CPQ: variants seen among roughly 807,000 people sequenced by gnomAD.
CPQ encodes the protein Ser-Met dipeptidase.
CPQ carries 37 observed loss-of-function variants against 45.7 expected under a neutral mutation model. The ratio of observed to expected loss-of-function variants is 0.81; its 90% CI spans 0.62 to 1.07. CPQ has a LOEUF of 1.07. Among genes scored for constraint, CPQ ranks in the 50% least tolerant of loss-of-function variants. The pLI is 0.00. For missense variants in CPQ, 537 were observed against 572.9 expected (o/e 0.94, Z 0.64); for synonymous variants, 186 against 205.8 (o/e 0.90, Z 0.82).
intron 2 of CPQ, among the ~76,000 whole-genome samples, chr8:96,794,152 G>A (rs1156587196): frequency 6.6e-6 from 1 of 152,164 alleles, no homozygotes; most frequent in Non-Finnish European, 1.5e-5. Flanking sequence ...TTTCCCTTCT[G>A]CACTGCCCTA....
At chr8:96,792,510 G>A (rs746975393) in intron 2 of CPQ, among the ~76,000 whole-genome samples, 6 of 152,026 alleles carry the variant, frequency 3.9e-5, no homozygotes, top group Non-Finnish European at 8.8e-5. Context: ...TAAAATTTTA[G>A]GATTGTATGT....
intron 2 of CPQ, among the ~76,000 whole-genome samples, chr8:96,799,261 C>T (rs1810975490): frequency 6.6e-6 from 1 of 152,204 alleles, no homozygotes; most frequent in African/African-American, 2.4e-5. Context: ...AAACTCTTGT[C>T]TCATAGGAAC....
At chr8:96,849,936 T>C (rs758184766) in intron 3 of CPQ, among the ~76,000 whole-genome samples, 17 of 152,202 alleles carry the variant, frequency 1.1e-4, no homozygotes, top group Non-Finnish European at 1.8e-4. Context: ...GGGCTGAAGG[T>C]CATTCAGCTA....
intron 1 of CPQ, among the ~76,000 whole-genome samples, chr8:96,759,993 T>C (rs1364700899): frequency 1.3e-5 from 2 of 152,210 alleles, no homozygotes; most frequent in Non-Finnish European, 2.9e-5. Flanking sequence ...CAGCTAGTCC[T>C]AGTATACCTA....
intron 1 of CPQ, among the ~76,000 whole-genome samples, chr8:96,717,722 G>A (rs1277280503): frequency 6.6e-6 from 1 of 152,132 alleles, no homozygotes; most frequent in African/African-American, 2.4e-5. Flanking sequence ...GACACATGGA[G>A]GGGCAAAGCC....
intron 1 of CPQ, among the ~76,000 whole-genome samples, chr8:96,775,271 G>A (rs1810591247): frequency 6.6e-6 from 1 of 151,958 alleles, no homozygotes; most frequent in Non-Finnish European, 1.5e-5. Flanking sequence ...TTATTATCCT[G>A]AAATAAACAT....
In CPQ at chr8:97,066,024, TAC is replaced by T. The variant is rs749482750; in HGVS notation, c.1071_1072del (p.Tyr357Ter). Reference sequence around the variant, plus strand: ...TTGTGTTTAGGTAAATATTTCCAACTACAGTCTGGTGATGGAGTCTGACGCAG... The same window carrying T: ...TTGTGTTTAGGTAAATATTTCCAACTAGTCTGGTGATGGAGTCTGACGCAG... ...YQLHKVNISNYSLVMESDAGT... is the reference protein window; with the variant it reads ...YQLHKVNISNXSLVMESDAGT... On this transcript the variant is annotated frameshift_variant, in exon 7 of 8. Coordinates refer to ENST00000220763, the MANE Select transcript of CPQ (RefSeq NM_016134.4). LOFTEE classifies it high-confidence loss of function. 2 of 1,610,274 alleles carry T rather than the reference TAC, an allele frequency of 1.2e-6. No homozygotes were observed. Among genetic ancestry groups the T allele is most frequent in the Admixed American group, 3.4e-5 (2 of 59,284 alleles).
chr8:96,917,674 T>A (rs556772009), intron 4 of CPQ, among the ~76,000 whole-genome samples: 2 of 152,160 alleles, frequency 1.3e-5, no homozygotes, highest in African/African-American at 2.4e-5. Context: ...AACAAGAAGA[T>A]GTATGTGTGT....
rs141477231 is a variant in CPQ, at chr8:96,906,462, T to G, written c.849+26457T>G. On this transcript the variant is annotated intron_variant, in intron 4 of 7. Coordinates refer to ENST00000220763, the MANE Select transcript of CPQ (RefSeq NM_016134.4). ...AAGAATATGGAAATAGAAGGAAGTATGTATGCATATATGTGTATAAATATG... is the reference window on the plus strand; with the variant it reads ...AAGAATATGGAAATAGAAGGAAGTAGGTATGCATATATGTGTATAAATATG... 3.2e-4 allele frequency among the ~76,000 whole-genome samples: 49 copies of G among 152,302 alleles called. No homozygotes were observed. In the East Asian group the frequency reaches 8.7e-3, roughly 27 times the overall value.
intron 2 of CPQ, among the ~76,000 whole-genome samples, chr8:96,806,018 C>T (rs1467891144): frequency 6.6e-6 from 1 of 151,994 alleles, no homozygotes; most frequent in Non-Finnish European, 1.5e-5. Context: ...CCATTAGAGC[C>T]CTTTTAAGCA....
intron 7 of CPQ, among the ~76,000 whole-genome samples, chr8:97,117,106 TA>T (rs1811608122): frequency 6.6e-6 from 1 of 152,250 alleles, no homozygotes; most frequent in Admixed American, 6.5e-5. Context: ...AATGTAGCGA[TA>T]ATTATTCAGA....
chr8:96,755,745 GTTGTT>G (rs530613946), intron 1 of CPQ, among the ~76,000 whole-genome samples: 178 of 151,808 alleles, frequency 1.2e-3, no homozygotes, highest in Non-Finnish European at 2.2e-3. Context: ...TCGAAATTTT[GTTGTT>G]TTATTTATCC....
intron 4 of CPQ, among the ~76,000 whole-genome samples, chr8:96,883,296 G>C (rs1468950163): frequency 1.3e-5 from 2 of 152,070 alleles, no homozygotes; most frequent in East Asian, 3.9e-4. Flanking sequence ...AAATATCTTG[G>C]AGTGGAATTG....
intron 7 of CPQ, among the ~76,000 whole-genome samples, chr8:97,082,203 G>C (rs113997677): frequency 1.5e-3 from 229 of 152,246 alleles, no homozygotes; most frequent in African/African-American, 5.1e-3. Context: ...TCTCTCTGGG[G>C]CTTATTCCAG....
intron 5 of CPQ, among the ~76,000 whole-genome samples, chr8:96,978,938 C>A (rs908525583): frequency 6.6e-6 from 1 of 151,790 alleles, no homozygotes; most frequent in Non-Finnish European, 1.5e-5. Flanking sequence ...TCATGTCAGG[C>A]AAATAATATG....
intron 1 of CPQ, among the ~76,000 whole-genome samples, chr8:96,763,473 C>T (rs1810430835): frequency 6.6e-6 from 1 of 152,140 alleles, no homozygotes; most frequent in Non-Finnish European, 1.5e-5. Context: ...TAATATCATA[C>T]TGTCTGGATT....
At chr8:96,805,164 T>G (rs1811063439) in intron 2 of CPQ, among the ~76,000 whole-genome samples, 1 of 152,196 alleles carries the variant, frequency 6.6e-6, no homozygotes. Flanking sequence ...GAATGTAATA[T>G]ATGTAGAACT....
chr8:96,705,510 A>G lies in CPQ; in HGVS notation c.-35+60108A>G, dbSNP rs115428633. Among the ~76,000 whole-genome samples the G allele has an allele frequency of 6.1e-3, 922 of 152,282 alleles. 16 individuals carry two copies. Among genetic ancestry groups the G allele is most frequent in the African/African-American group, 0.021 (880 of 41,564 alleles). On this transcript the variant is annotated intron_variant, in intron 1 of 7. Coordinates refer to ENST00000220763, the MANE Select transcript of CPQ (RefSeq NM_016134.4). ...TGGTGATTTAGGTATCAGGAAGCAG[A>G]TGGGAAACTTTTTGAGGGGTAGAGG... is the stretch of plus-strand genomic sequence containing the variant.
intron 1 of CPQ, among the ~76,000 whole-genome samples, chr8:96,652,593 C>T (rs1266766634): frequency 1.3e-5 from 2 of 152,168 alleles, no homozygotes; most frequent in Non-Finnish European, 2.9e-5. Context: ...TTCCCATCAA[C>T]AATGTATAAG....
Sources: gnomAD v4.1 joint callset for allele counts (sites outside exome capture counted in the v4.1 genomes callset) on GRCh38, gnomAD v4.1.1 for gene constraint, MANE v1.5 for transcripts, NCBI Gene and HGNC (gene_info 2026-07-23, HGNC 2026-07-21) for gene names.